AMPH: variants seen among roughly 807,000 people sequenced by gnomAD.
AMPH encodes the protein amphiphysin (Stiff-Mann syndrome with breast cancer 128kD autoantigen).
A neutral mutation model predicts 99.1 loss-of-function variants in AMPH; 49 were observed. The observed-to-expected ratio is 0.49, with a 90% CI of 0.39 to 0.63. The LOEUF (loss-of-function observed/expected upper bound fraction) is 0.63, where lower values mean the gene tolerates loss of function less well. Among genes scored for constraint, AMPH ranks in the 20% least tolerant of loss-of-function variants. AMPH has a pLI of 0.00. For missense variants in AMPH, 759 were observed against 863.4 expected (o/e 0.88, Z 1.52); for synonymous variants, 314 against 317.3 (o/e 0.99, Z 0.11).
chr7:38,391,969 C>A lies in AMPH; in HGVS notation c.1657G>T (p.Glu553Ter). The A allele has an allele frequency of 6.2e-7, 1 of 1,610,616 alleles. No homozygotes were observed. Reference sequence around the variant, plus strand: ...ATAGTTATTTCGTTTTCTCCTTCCTCTTCATGGTTGGAGGCAGGCTCTATG... The same window carrying A: ...ATAGTTATTTCGTTTTCTCCTTCCTATTCATGGTTGGAGGCAGGCTCTATG... ...VVIEPASNHE[E>*]EGENEITIGA... Residue 553 changes from glutamate (E) to a stop codon, truncating the protein, a stop_gained, in exon 19 of 21, where the codon GAG becomes TAG. Transcript: ENST00000356264. LOFTEE classifies it high-confidence loss of function.
intron 11 of AMPH, among the ~76,000 whole-genome samples, chr7:38,444,513 T>C (rs898619271): frequency 6.6e-6 from 1 of 152,072 alleles, no homozygotes; most frequent in African/African-American, 2.4e-5. Flanking sequence ...GAAAATGCCA[T>C]GTGATGACCA....
intron 2 of AMPH, among the ~76,000 whole-genome samples, chr7:38,511,154 G>A (rs895814422): frequency 1.3e-5 from 2 of 152,056 alleles, no homozygotes; most frequent in Admixed American, 1.3e-4. Context: ...CTGAGTGCCT[G>A]GCACATATCA....
intron 11 of AMPH, among the ~76,000 whole-genome samples, chr7:38,449,878 A>G (rs1019995115): frequency 7.9e-5 from 12 of 152,222 alleles, no homozygotes. Flanking sequence ...TGAGAGATGC[A>G]TATGTTCATA....
rs1390721444 is a variant in AMPH at position 38,391,859 on chromosome 7, C to T, written c.1767G>A (p.Lys589=). The change falls in exon 19 of 21, where the codon AAG becomes AAA. Residue 589 remains lysine, a synonymous_variant. Coordinates refer to ENST00000356264, the MANE Select transcript of AMPH (RefSeq NM_001635.4). ...SETPELATEQ[K]PIQDPQPTPS... ...GCGTGGGCTGAGGGTCCTGGATAGG[C>T]TTCTGCTCCGTAGCCAGCTCCGGTG... 1 of 1,612,992 alleles carries T rather than the reference C, an allele frequency of 6.2e-7. No homozygotes were observed. Among genetic ancestry groups the T allele is most frequent in the Non-Finnish European group, 8.5e-7 (1 of 1,179,732 alleles).
At chr7:38,570,160 G>A (rs1791891024) in intron 1 of AMPH, among the ~76,000 whole-genome samples, 1 of 152,056 alleles carries the variant, frequency 6.6e-6, no homozygotes, top group South Asian at 2.1e-4. Context: ...GCAGTCTTTT[G>A]GTGAGAAAAT....
At chr7:38,415,429 C>T (rs1292125024) in intron 17 of AMPH, among the ~76,000 whole-genome samples, 1 of 152,156 alleles carries the variant, frequency 6.6e-6, no homozygotes, top group Non-Finnish European at 1.5e-5. Flanking sequence ...TTAATTAATG[C>T]TAGGGACACA....
chr7:38,436,402 CA>C lies in AMPH; in HGVS notation c.1018-15del, dbSNP rs1562753961. 3.1e-6 allele frequency: 5 copies of C among 1,588,806 alleles called. No individual in the cohort carries two copies. Among genetic ancestry groups the C allele is most frequent in the Non-Finnish European group, 4.3e-6 (5 of 1,157,228 alleles). ...AGGGACTTCATTCTGTTAAAGCAAACAACAAAACAAAATAAAACATGTATTA... is the reference window on the plus strand; with the variant it reads ...AGGGACTTCATTCTGTTAAAGCAAACACAAAACAAAATAAAACATGTATTA... On this transcript the variant is annotated splice_polypyrimidine_tract_variant and intron_variant, in intron 11 of 20. Transcript: ENST00000356264.
chr7:38,468,236 TTA>T (rs749181181), intron 7 of AMPH, among the ~76,000 whole-genome samples: 4 of 152,250 alleles, frequency 2.6e-5, no homozygotes, highest in Middle Eastern at 3.2e-3. Context: ...ACTTTGAAGT[TTA>T]TATTTCTTCA....
Position 38,534,887 on chromosome 7 carries a change from A to T in AMPH, c.150+44T>A, listed in dbSNP as rs767444603. 5.8e-6 allele frequency: 9 copies of T among 1,546,892 alleles called. No individual in the cohort carries two copies. The South Asian group carries it at 1.0e-4, about 18-fold the overall frequency. On this transcript the variant is annotated intron_variant, in intron 2 of 20. Transcript: ENST00000356264. The stretch of plus-strand genomic sequence containing the variant: ...TACTTACATACTAAGACACAAACAC[A>T]TTTAAACAATTTCCCACTCCAGAAA...
intron 1 of AMPH, among the ~76,000 whole-genome samples, chr7:38,562,328 G>C (rs549182251): frequency 8.1e-4 from 123 of 152,330 alleles, no homozygotes; most frequent in Middle Eastern, 6.8e-3. Context: ...CTGACAGGGA[G>C]AGGCCATGCT....
chr7:38,629,532 G>A (rs1005380325), intron 1 of AMPH, among the ~76,000 whole-genome samples: 1 of 152,184 alleles, frequency 6.6e-6, no homozygotes, highest in Admixed American at 6.5e-5. Flanking sequence ...TGAATGCTCC[G>A]TAAGAGATTA....
chr7:38,606,509 C>G (rs1793437542), intron 1 of AMPH, among the ~76,000 whole-genome samples: 1 of 150,188 alleles, frequency 6.7e-6, no homozygotes, highest in African/African-American at 2.4e-5. Flanking sequence ...CCACTCCTTT[C>G]ACTTAGCATG....
At chr7:38,445,054 G>C (rs1157008366) in intron 11 of AMPH, among the ~76,000 whole-genome samples, 2 of 141,088 alleles carry the variant, frequency 1.4e-5, no homozygotes, top group African/African-American at 5.3e-5. Context: ...ATATATAGAT[G>C]GTATATACAT....
At chr7:38,475,820 G>A (rs1788060115) in intron 6 of AMPH, among the ~76,000 whole-genome samples, 1 of 152,198 alleles carries the variant, frequency 6.6e-6, no homozygotes, top group Non-Finnish European at 1.5e-5. Context: ...CATGCTATAT[G>A]GAAGGTGGTG....
intron 20 of AMPH, among the ~76,000 whole-genome samples, chr7:38,389,553 T>A (rs1213109464): frequency 6.6e-6 from 1 of 152,182 alleles, no homozygotes; most frequent in East Asian, 1.9e-4. Context: ...AGAGATAACA[T>A]TCCCAGAAAG....
chr7:38,550,621 G>A (rs80346424), intron 1 of AMPH, among the ~76,000 whole-genome samples: 3,022 of 152,140 alleles, frequency 0.02, 116 homozygotes, highest in East Asian at 0.14. Flanking sequence ...GTGATGTCTG[G>A]GCTTCCAGTG....
intron 1 of AMPH, among the ~76,000 whole-genome samples, chr7:38,574,035 A>G (rs1202354302): frequency 6.6e-6 from 1 of 152,202 alleles, no homozygotes; most frequent in African/African-American, 2.4e-5. Context: ...GTGCTCAAAC[A>G]CAATGCCATG....
rs998802274 is a variant in AMPH at position 38,631,267 on chromosome 7, GCCGC to G, written c.69+12_69+15del. Reference sequence around the variant, plus strand: ...CCTGGCGTCCCCGGCCCCAGCCCCGGCCGCCCGCCGCTGACCTTTTCCTGCGCGC... The same window carrying G: ...CCTGGCGTCCCCGGCCCCAGCCCCGGCCGCCGCTGACCTTTTCCTGCGCGC... On this transcript the variant is annotated intron_variant, in intron 1 of 20. Coordinates refer to ENST00000356264, the MANE Select transcript of AMPH (RefSeq NM_001635.4). 5 of 1,514,112 alleles carry G rather than the reference GCCGC, an allele frequency of 3.3e-6. No homozygotes were observed. Among genetic ancestry groups the G allele is most frequent in the African/African-American group, 2.9e-5 (2 of 68,904 alleles). 93.8% of individuals were successfully genotyped at this position (1,514,112 alleles called of 1,614,324 possible).
intron 15 of AMPH, among the ~76,000 whole-genome samples, chr7:38,426,159 C>A (rs778360119): frequency 6.6e-6 from 1 of 151,936 alleles, no homozygotes; most frequent in Non-Finnish European, 1.5e-5. Context: ...ATTATAAATG[C>A]TAAATTATTA....
Sources: gnomAD v4.1 joint callset for allele counts (sites outside exome capture counted in the v4.1 genomes callset) on GRCh38, gnomAD v4.1.1 for gene constraint, MANE v1.5 for transcripts, NCBI Gene and HGNC (gene_info 2026-07-23, HGNC 2026-07-21) for gene names.